E2F5: variants seen among roughly 807,000 people sequenced by gnomAD.
E2F5 encodes transcription factor E2F5.
Under a neutral mutation model 39.1 loss-of-function variants are expected in E2F5, and 23 were observed. That is an observed-to-expected ratio of 0.59 (90% CI 0.42 to 0.83). The LOEUF (loss-of-function observed/expected upper bound fraction) is 0.83. Among genes scored for constraint, E2F5 ranks in the 40% least tolerant of loss-of-function variants. E2F5 has a pLI of 0.00. For missense variants in E2F5, 365 were observed against 406.7 expected, an observed-to-expected ratio of 0.90 and a Z score of 0.88; for synonymous variants, 145 against 157.8, an observed-to-expected ratio of 0.92 and a Z score of 0.61.
chr8:85,202,321 C>A, intron 2 of E2F5, 65 bp downstream of exon 2: 1 of 1,226,808 alleles, frequency 8.2e-7, no homozygotes, highest in Non-Finnish European at 1.1e-6. Flanking sequence ...TAAAATTTGA[C>A]CTTCCCAATG....
chr8:85,177,769 C>T (rs1812117359), intron 1 of E2F5, 115 bp downstream of exon 1: 2 of 1,140,702 alleles, frequency 1.8e-6, no homozygotes, highest in South Asian at 4.3e-5. Flanking sequence ...TGCGGGGACC[C>T]GGGACCGGGC....
chr8:85,178,847 C>T (rs1266700100), intron 1 of E2F5, among the ~76,000 whole-genome samples: 1 of 152,214 alleles, frequency 6.6e-6, no homozygotes, highest in African/African-American at 2.4e-5. Context: ...CCTCTCCTTT[C>T]CCTGGATGTA....
chr8:85,211,403 A>T (rs544866122), intron 6 of E2F5, among the ~76,000 whole-genome samples: 1 of 151,824 alleles, frequency 6.6e-6, no homozygotes, highest in African/African-American at 2.4e-5. Context: ...ATCCTGTCTC[A>T]AAATAAATAA....
At chr8:85,210,310 T>C (rs1812888049) in intron 6 of E2F5, among the ~76,000 whole-genome samples, 1 of 152,222 alleles carries the variant, frequency 6.6e-6, no homozygotes, top group South Asian at 2.1e-4. Flanking sequence ...TTTTAGCTTC[T>C]TTTTGCCCAC....
In E2F5 at chr8:85,202,278, TC is replaced by T. The variant is rs1430497052; in HGVS notation, c.344+23del. 2.0e-6 allele frequency: 3 copies of T among 1,492,422 alleles called. No homozygotes were observed. The African/African-American group carries it at 5.6e-5, about 28-fold the overall frequency. 92.4% of individuals were successfully genotyped at this position (1,492,422 alleles called of 1,614,324 possible). A position where few individuals can be genotyped will look rare whatever the true frequency, so the allele number is the denominator to read the frequency against. On this transcript the variant is annotated intron_variant, in intron 2 of 7. Transcript: ENST00000416274. ...GGAAGTAAGTTACAAACCAGCACCC[TC>T]TTCTGAAACCTTTTTTCTTCTCAGT...
At position 85,213,783 on chromosome 8, in the gene E2F5, C is replaced by T. The variant is rs369086172; in HGVS notation, c.962C>T (p.Pro321Leu). 2.4e-5 allele frequency: 39 copies of T among 1,613,010 alleles called. No homozygotes were observed. The highest frequency in any genetic ancestry group is 3.3e-4 in the Middle Eastern group (2 of 6,048). The change falls in exon 8 of 8, where the codon CCG (proline) becomes CTG (leucine). Residue 321 changes from proline to leucine, a missense_variant. Physicochemically the swap from Pro to Leu is moderately conservative, Grantham distance 98. Transcript: ENST00000416274. ...CCTCTCTTAAGGCTTTCTCCTACCC[C>T]GGCAGATGACTACAACTTTAATTTA... ...VFPLLRLSPT[P>L]ADDYNFNLDD...
intron 1 of E2F5, among the ~76,000 whole-genome samples, chr8:85,187,477 G>T (rs558894322): frequency 6.6e-6 from 1 of 151,978 alleles, no homozygotes; most frequent in East Asian, 1.9e-4. Flanking sequence ...TGCTATATTG[G>T]GTTCACACAT....
chr8:85,201,228 G>A (rs1028345976), intron 1 of E2F5, among the ~76,000 whole-genome samples: 17 of 152,162 alleles, frequency 1.1e-4, no homozygotes, highest in African/African-American at 4.1e-4. Flanking sequence ...GCGAAGCTGG[G>A]AGAGCTGTTA....
chr8:85,188,764 G>A (rs1311166215), intron 1 of E2F5, among the ~76,000 whole-genome samples: 1 of 152,090 alleles, frequency 6.6e-6, no homozygotes, highest in Non-Finnish European at 1.5e-5. Context: ...GGGTTGTGGT[G>A]GTCTCACCAG....
intron 1 of E2F5, among the ~76,000 whole-genome samples, chr8:85,190,497 CTTTTTTTTTT>C (rs34804570): frequency 1.4e-5 from 1 of 70,304 alleles, no homozygotes; most frequent in African/African-American, 6.0e-5. Flanking sequence ...GAGATTTTTC[CTTTTTTTTTT>C]TTTTTTTTTT....
chr8:85,201,850 G>T (rs745496237), intron 1 of E2F5: 5 of 356,624 alleles, frequency 1.4e-5, no homozygotes, highest in Non-Finnish European at 2.5e-5. Context: ...TCCTCCTCAG[G>T]ATTAGTCCAT....
Position 85,177,521 on chromosome 8 carries a change from A to T in E2F5, c.101A>T (p.Gln34Leu). The T allele has an allele frequency of 8.8e-7, 1 of 1,134,876 alleles. No individual in the cohort carries two copies. The highest frequency in any genetic ancestry group is 1.1e-6 in the Non-Finnish European group (1 of 926,796). 70.3% of individuals were successfully genotyped at this position (1,134,876 alleles called of 1,614,324 possible). Residue 34 changes from glutamine to leucine, a missense_variant, in exon 1 of 8, where the codon CAG becomes CTG. Gln to Leu is a moderately radical substitution (Grantham distance 113). Coordinates refer to ENST00000416274, the MANE Select transcript of E2F5 (RefSeq NM_001951.4). The stretch of plus-strand genomic sequence containing the variant: ...CAGCCTCCGCAGGCGCAAGCCCCGC[A>T]GCCGCCCCCGCCGCCGCAGCTCGGG... ...PPQPPQAQAPQPPPPPQLGGA... is the reference protein window; with the variant it reads ...PPQPPQAQAPLPPPPPQLGGA...
At chr8:85,181,237 G>T (rs1265915328) in intron 1 of E2F5, among the ~76,000 whole-genome samples, 2 of 152,090 alleles carry the variant, frequency 1.3e-5, no homozygotes, top group African/African-American at 2.4e-5. Flanking sequence ...AAATATTTTG[G>T]ATATCATAAA....
intron 5 of E2F5, among the ~76,000 whole-genome samples, chr8:85,208,448 G>A (rs917776620): frequency 6.6e-6 from 1 of 152,082 alleles, no homozygotes; most frequent in Non-Finnish European, 1.5e-5. Flanking sequence ...AACATTGTCT[G>A]GCTTATTAAG....
At chr8:85,177,940 C>T (rs1587476809) in intron 1 of E2F5, 1 of 247,950 alleles carries the variant, frequency 4.0e-6, no homozygotes, top group South Asian at 1.6e-4. Flanking sequence ...CGCGTGGCTT[C>T]TGTCTCCGGG....
chr8:85,185,532 G>A (rs1452114255), intron 1 of E2F5, among the ~76,000 whole-genome samples: 1 of 152,150 alleles, frequency 6.6e-6, no homozygotes, highest in Non-Finnish European at 1.5e-5. Flanking sequence ...TTAAACTAAA[G>A]AGCTTCTGCA....
At chr8:85,194,642 C>T (rs552209291) in intron 1 of E2F5, among the ~76,000 whole-genome samples, 2 of 146,136 alleles carry the variant, frequency 1.4e-5, no homozygotes, top group Admixed American at 1.4e-4. Flanking sequence ...TTAAGTGATT[C>T]TCCTGCCTCA....
At chr8:85,209,881 CTT>C (rs1161294489) in intron 6 of E2F5, among the ~76,000 whole-genome samples, 1 of 152,148 alleles carries the variant, frequency 6.6e-6, no homozygotes. Context: ...ACTTATGCCT[CTT>C]GTTTCTCCAT....
intron 1 of E2F5, among the ~76,000 whole-genome samples, chr8:85,185,069 A>G (rs1409437749): frequency 6.6e-6 from 1 of 152,228 alleles, no homozygotes; most frequent in Admixed American, 6.5e-5. Flanking sequence ...ATCTTAAGCA[A>G]AAATAACAAA....
Sources: gnomAD v4.1 joint callset for allele counts (sites outside exome capture counted in the v4.1 genomes callset) on GRCh38, gnomAD v4.1.1 for gene constraint, MANE v1.5 for transcripts, NCBI Gene and HGNC (gene_info 2026-07-23, HGNC 2026-07-21) for gene names.